Variants in L3MBTL1 observed in about 807,000 individuals in gnomAD.
L3MBTL1 encodes the protein L3MBTL histone methyl-lysine binding protein 1.
A neutral mutation model predicts 105.3 loss-of-function variants in L3MBTL1; 75 were observed. The ratio of observed to expected loss-of-function variants is 0.71; its 90% confidence interval spans 0.59 to 0.86. The LOEUF is 0.86. L3MBTL1 is among the 40% of genes least tolerant of loss of function. L3MBTL1 has a pLI of 0.00. For missense variants in L3MBTL1, 1,069 were observed against 1,126.4 expected (o/e 0.95, Z 0.73); for synonymous variants, 452 against 436.2 (o/e 1.04, Z -0.45).
chr20:43,532,506 G>A (rs917598166), intron 11 of L3MBTL1: 6 of 390,718 alleles, frequency 1.5e-5, no homozygotes, highest in Non-Finnish European at 2.3e-5. Context: ...TTCTTTGGGC[G>A]AACGCATAGC....
intron 7 of L3MBTL1, among the ~76,000 whole-genome samples, chr20:43,527,325 A>G (rs1488744304): frequency 6.6e-6 from 1 of 152,240 alleles, no homozygotes; most frequent in East Asian, 1.9e-4. Context: ...TTACGTCTTT[A>G]GTTGTCTGTA....
At chr20:43,529,228 T>A (rs374827032) in intron 8 of L3MBTL1, 36 bp from the exon 9 acceptor site, 91 of 1,519,920 alleles carry the variant, frequency 6.0e-5, no homozygotes, top group Middle Eastern at 5.1e-4. Context: ...TAAGGCTGGA[T>A]GGAAGCTGGG....
chr20:43,530,285 T>A lies in L3MBTL1; in HGVS notation c.1058T>A (p.Val353Glu), dbSNP rs769613867. 1.9e-6 allele frequency: 3 copies of A among 1,613,720 alleles called. No individual in the cohort carries two copies. The highest frequency in any genetic ancestry group is 2.7e-5 in the African/African-American group (2 of 74,878). ...TCCTGATTCCCCTCATGGGGCCAGG[T>A]ATGTGGCTATCGCCTACGCCTGCAC... is the stretch of plus-strand genomic sequence containing the variant. ...SMYFILTVAE[V>E]CGYRLRLHFD... The change falls in exon 10 of 22, where the codon GTA becomes GAA. Residue 353 changes from valine to glutamate, a missense_variant and splice_region_variant. Coordinates refer to ENST00000418998, the MANE Select transcript of L3MBTL1 (RefSeq NM_001377303.1).
At chr20:43,518,852 A>C (rs1310672224) in intron 7 of L3MBTL1, among the ~76,000 whole-genome samples, 1 of 25,696 alleles carries the variant, frequency 3.9e-5, no homozygotes, top group Non-Finnish European at 8.9e-5. Context: ...CTAAAAATAC[A>C]AAAAAAAAAA....
Position 43,540,265 on chromosome 20 carries a change from C to T in L3MBTL1, c.2288C>T (p.Ala763Val), listed in dbSNP as rs1030340944. ...CACTGCAAGCTCCTGCCAGGAGTAG[C>T]GGGCATCTCAGCCTCGACAGTCGCC... ...EQHCKLLPGV[A>V]GISASTVAKW... The change falls in exon 20 of 22, where the codon GCG becomes GTG. Residue 763 changes from alanine to valine, a missense_variant. Coordinates refer to ENST00000418998, the MANE Select transcript of L3MBTL1 (RefSeq NM_001377303.1). 3.2e-5 allele frequency: 52 copies of T among 1,613,678 alleles called. No homozygotes were observed. Among genetic ancestry groups the T allele is most frequent in the South Asian group, 9.9e-5 (9 of 91,086 alleles).
intron 2 of L3MBTL1, 68 bp downstream of exon 2, chr20:43,513,707 T>A: frequency 6.5e-7 from 1 of 1,547,706 alleles, no homozygotes; most frequent in Non-Finnish European, 8.7e-7. Flanking sequence ...CAAGTGTGGA[T>A]CCTGGAGAGG....
In L3MBTL1 at chr20:43,521,854, C is replaced by A. The variant is rs75628692; in HGVS notation, c.862+5677C>A. On this transcript the variant is annotated intron_variant, in intron 7 of 21. Coordinates refer to ENST00000418998, the MANE Select transcript of L3MBTL1 (RefSeq NM_001377303.1). ...AGGCATACGCCACTGCACCTGGCTCCCCTTTTTTATTTATAGTAAACTTTA... is the reference window on the plus strand; with the variant it reads ...AGGCATACGCCACTGCACCTGGCTCACCTTTTTTATTTATAGTAAACTTTA... 5.8e-3 allele frequency among the ~76,000 whole-genome samples: 880 copies of A among 152,228 alleles called. 14 individuals are homozygous for A. The highest frequency in any genetic ancestry group is 0.02 in the African/African-American group (840 of 41,542).
chr20:43,536,347 T>C, intron 18 of L3MBTL1, 53 bp downstream of exon 18: 4 of 1,612,524 alleles, frequency 2.5e-6, no homozygotes, highest in South Asian at 1.1e-5. Context: ...TGGGGCCTTG[T>C]AGCCTCTTGG....
At chr20:43,529,453 C>T in intron 9 of L3MBTL1, 85 bp downstream of exon 9, 1 of 901,322 alleles carries the variant, frequency 1.1e-6, no homozygotes, top group Non-Finnish European at 1.8e-6. Flanking sequence ...AAGGAAACAC[C>T]TCCCTCCCCT....
At chr20:43,529,237 G>C in intron 8 of L3MBTL1, 27 bp from the exon 9 acceptor site, 1 of 1,556,596 alleles carries the variant, frequency 6.4e-7, no homozygotes, top group Non-Finnish European at 8.8e-7. Flanking sequence ...ATGGAAGCTG[G>C]GTCCTCTCCA....
At chr20:43,515,681 A>G (rs1363779647) in intron 6 of L3MBTL1, 5 of 487,612 alleles carry the variant, frequency 1.0e-5, no homozygotes, top group South Asian at 2.5e-5. Context: ...CACCCAAAGT[A>G]CATGTGCAGG....
Position 43,533,348 on chromosome 20 carries a change from T to A in L3MBTL1, c.1443T>A (p.Asp481Glu). The change falls in exon 13 of 22, where the codon GAT becomes GAA. Residue 481 changes from aspartate (D) to glutamate (E), a missense_variant. Asp to Glu is a conservative substitution (Grantham distance 45, BLOSUM62 2). Transcript: ENST00000418998. ...NWDDTYDYWC[D>E]PSSPYIHPVG... Reference sequence around the variant, plus strand: ...ACATGTTCTTGGATTTCAGGTGTGATCCCAGCAGCCCCTACATCCACCCAG... The same window carrying A: ...ACATGTTCTTGGATTTCAGGTGTGAACCCAGCAGCCCCTACATCCACCCAG... The A allele has an allele frequency of 6.2e-7, 1 of 1,613,780 alleles. No homozygotes were observed. The highest frequency in any genetic ancestry group is 8.5e-7 in the Non-Finnish European group (1 of 1,179,868).
intron 1 of L3MBTL1, among the ~76,000 whole-genome samples, chr20:43,510,180 G>A (rs937560559): frequency 1.3e-5 from 2 of 151,890 alleles, no homozygotes; most frequent in African/African-American, 4.8e-5. Flanking sequence ...TGTACTTTTT[G>A]TAGAGATGGG....
chr20:43,519,252 G>A (rs987644986), intron 7 of L3MBTL1, among the ~76,000 whole-genome samples: 23 of 150,548 alleles, frequency 1.5e-4, no homozygotes, highest in Non-Finnish European at 3.1e-4. Flanking sequence ...CTGGAGAATC[G>A]CTTGAACCCA....
chr20:43,513,078 C>T (rs1339870778), intron 1 of L3MBTL1, among the ~76,000 whole-genome samples: 1 of 152,186 alleles, frequency 6.6e-6, no homozygotes, highest in Non-Finnish European at 1.5e-5. Context: ...GGAGTGATTC[C>T]AGTGGGGATA....
intron 8 of L3MBTL1, chr20:43,529,060 C>T: frequency 1.6e-6 from 1 of 606,284 alleles, no homozygotes; most frequent in Non-Finnish European, 2.9e-6. Context: ...TGAGTCCAGC[C>T]CTGACTCACC....
chr20:43,537,015 GTTC>G (rs1180298684), intron 19 of L3MBTL1, among the ~76,000 whole-genome samples: 5 of 152,200 alleles, frequency 3.3e-5, no homozygotes, highest in Non-Finnish European at 7.3e-5. Context: ...CATGTATATT[GTTC>G]TTCTGTGAGA....
chr20:43,535,412 C>T (rs555729546), intron 16 of L3MBTL1, among the ~76,000 whole-genome samples: 1 of 152,326 alleles, frequency 6.6e-6, no homozygotes, highest in African/African-American at 2.4e-5. Context: ...GTTTGTCTCA[C>T]ATGGGGTGTT....
chr20:43,541,117 A>G lies in L3MBTL1; in HGVS notation c.2578A>G (p.Ser860Gly), dbSNP rs1254416467. The change falls in exon 22 of 22, where the codon AGT (serine) becomes GGT (glycine). Residue 860 changes from serine to glycine, a missense_variant. Transcript: ENST00000418998. ...LLAKLSFASD[S>G]QY ...TGCCAAACTTAGCTTTGCCAGTGAT[A>G]GTCAATATTAAAGTGTACTTTTTTC... The G allele has an allele frequency of 6.2e-7, 1 of 1,613,852 alleles. No homozygotes were observed. Among genetic ancestry groups the G allele is most frequent in the Admixed American group, 1.7e-5 (1 of 60,014 alleles).
Sources: gnomAD v4.1 joint callset for allele counts (sites outside exome capture counted in the v4.1 genomes callset) on GRCh38, gnomAD v4.1.1 for gene constraint, MANE v1.5 for transcripts, NCBI Gene and HGNC (gene_info 2026-07-23, HGNC 2026-07-21) for gene names.